The following RNF151 variants were observed in gnomAD, a reference collection of about 807,000 sequenced individuals.
RNF151 encodes the protein ring finger protein 151.
In RNF151, 9 loss-of-function variants were observed where a neutral mutation model predicts 11.1. The ratio of observed to expected loss-of-function variants is 0.81; its 90% CI spans 0.49 to 1.42. RNF151 has a LOEUF of 1.42. Ranked by LOEUF, RNF151 falls within the 40% of genes most tolerant of loss-of-function variation. The pLI is 0.00. For missense variants in RNF151, 372 were observed against 342.9 expected (o/e 1.08, Z -0.67); for synonymous variants, 172 against 140.7 (o/e 1.22, Z -1.58).
At position 1,967,426 on chromosome 16, in the gene RNF151, G is replaced by A; in HGVS notation, c.149+7G>A. ...TCCTCCGGTGGCTAGCCAGGTGCCA[G>A]CGGGTACCCAAGGGGCTGGGAGGGC... On this transcript the variant is annotated splice_region_variant and intron_variant, in intron 2 of 3. Transcript: ENST00000569714. 1 of 1,612,032 alleles carries A rather than the reference G, an allele frequency of 6.2e-7. No homozygotes were observed. Among genetic ancestry groups the A allele is most frequent in the Non-Finnish European group, 8.5e-7 (1 of 1,178,930 alleles).
chr16:1,968,919 T>C lies in RNF151; in HGVS notation c.732T>C (p.Cys244=). ...GGGAGCCCAGGGCCAACATACCTTG[T>C]AAATAGGTAAATAAAAGCAGACCCC... ...VVGEPRANIP[C]K Residue 244 remains cysteine (C), a synonymous_variant, in exon 4 of 4, where the codon TGT becomes TGC. Transcript: ENST00000569714. 1 of 1,587,132 alleles carries C rather than the reference T, an allele frequency of 6.3e-7. No homozygotes were observed. Among genetic ancestry groups the C allele is most frequent in the Non-Finnish European group, 8.6e-7 (1 of 1,166,326 alleles).
chr16:1,967,740 G>C lies in RNF151; in HGVS notation c.165G>C (p.Pro55=), dbSNP rs188516141. ...LRWLARQKTC[P]CCRKEVKRKK... ...CTCCTTCCAGACAAAAGACCTGTCC[G>C]TGCTGTAGGAAAGAGGTGAAAAGGA... The change falls in exon 3 of 4, where the codon CCG becomes CCC. Residue 55 remains proline (P), a synonymous_variant. Coordinates refer to ENST00000569714, the MANE Select transcript of RNF151 (RefSeq NM_174903.6). 2 of 1,610,898 alleles carry C rather than the reference G, an allele frequency of 1.2e-6. No homozygotes were observed. The highest frequency in any genetic ancestry group is 1.7e-6 in the Non-Finnish European group (2 of 1,178,580).
Position 1,967,260 on chromosome 16 carries a change from C to T in RNF151, c.4-14C>T, listed in dbSNP as rs751520501. The T allele has an allele frequency of 4.3e-6, 7 of 1,611,224 alleles. No individual in the cohort carries two copies. The South Asian group carries it at 6.6e-5, about 15-fold the overall frequency. On this transcript the variant is annotated splice_polypyrimidine_tract_variant and intron_variant, in intron 1 of 3. Coordinates refer to ENST00000569714, the MANE Select transcript of RNF151 (RefSeq NM_174903.6). ...TCACTGTCCCAGCCAGGTGCTGACA[C>T]CTGGCCTTTGCAGGGTGGCGGGTAT... is the stretch of plus-strand genomic sequence containing the variant.
chr16:1,967,221 G>T, intron 1 of RNF151, 53 bp from the exon 2 acceptor site: 1 of 1,582,480 alleles, frequency 6.3e-7, no homozygotes. Context: ...TCGGTATGTG[G>T]ACCAGGGACT....
chr16:1,968,372 A>AG, intron 3 of RNF151, 62 bp from the exon 4 acceptor site: 2 of 1,453,236 alleles, frequency 1.4e-6, no homozygotes, highest in Non-Finnish European at 1.8e-6. Flanking sequence ...ATGGAAAGCC[A>AG]GGGGTGGGGG....
In RNF151 at chr16:1,967,721, C is replaced by G. The variant is rs780339121; in HGVS notation, c.150-4C>G. On this transcript the variant is annotated splice_polypyrimidine_tract_variant and splice_region_variant and intron_variant, in intron 2 of 3. Transcript: ENST00000569714. ...CACTCACCCCTACTCATGCCTCCTTCCAGACAAAAGACCTGTCCGTGCTGT... is the reference window on the plus strand; with the variant it reads ...CACTCACCCCTACTCATGCCTCCTTGCAGACAAAAGACCTGTCCGTGCTGT... 6.2e-7 allele frequency: 1 copy of G among 1,606,768 alleles called. No individual in the cohort carries two copies. Among genetic ancestry groups the G allele is most frequent in the East Asian group, 2.2e-5 (1 of 44,704 alleles).
Position 1,968,764 on chromosome 16 carries a change from A to C in RNF151, c.577A>C (p.Thr193Pro). The C allele has an allele frequency of 1.9e-6, 3 of 1,585,326 alleles. No homozygotes were observed. Among genetic ancestry groups the C allele is most frequent in the Non-Finnish European group, 2.6e-6 (3 of 1,166,736 alleles). ...LRRVRWLDQA[T>P]SVVRRELAEL... is the part of the protein sequence containing the mutation. ...GCGTGTGCGCTGGCTGGACCAAGCC[A>C]CCAGTGTCGTTCGTAGAGAGCTGGC... The change falls in exon 4 of 4, where the codon ACC becomes CCC. Residue 193 changes from threonine (T) to proline (P), a missense_variant. By Grantham distance (38) the Thr-to-Pro change is conservative. Transcript: ENST00000569714.
Position 1,967,421 on chromosome 16 carries a change from TG to T in RNF151, c.149+3del. On this transcript the variant is annotated splice_donor_region_variant and intron_variant, in intron 2 of 3. Coordinates refer to ENST00000569714, the MANE Select transcript of RNF151 (RefSeq NM_174903.6). ...GTGCATCCTCCGGTGGCTAGCCAGG[TG>T]CCAGCGGGTACCCAAGGGGCTGGGA... 6.2e-7 allele frequency: 1 copy of T among 1,612,410 alleles called. No individual in the cohort carries two copies. Among genetic ancestry groups the T allele is most frequent in the Non-Finnish European group, 8.5e-7 (1 of 1,179,192 alleles).
chr16:1,967,537 A>G (rs1010080264), intron 2 of RNF151, 118 bp downstream of exon 2: 1 of 1,045,436 alleles, frequency 9.6e-7, no homozygotes. Context: ...TCCCTAAACT[A>G]AAATGTGTGT....
Position 1,968,454 on chromosome 16 carries a change from C to T in RNF151, c.267C>T (p.Gly89=). 6.4e-7 allele frequency: 1 copy of T among 1,567,638 alleles called. No individual in the cohort carries two copies. The highest frequency in any genetic ancestry group is 2.3e-5 in the East Asian group (1 of 43,270). ...LEVKCKNADA[G]CIVTCPLAHR... is the part of the protein sequence containing the mutation. ...CTCAGTGCAAGAACGCCGACGCTGG[C>T]TGCATAGTGACATGCCCCCTGGCCC... The change falls in exon 4 of 4, where the codon GGC becomes GGT. Residue 89 remains glycine, a synonymous_variant. Coordinates refer to ENST00000569714, the MANE Select transcript of RNF151 (RefSeq NM_174903.6).
rs1233746057 is a variant in RNF151, at chr16:1,968,769, T to C, written c.582T>C (p.Ser194=). Residue 194 remains serine (S), a synonymous_variant, in exon 4 of 4, where the codon AGT becomes AGC. Coordinates refer to ENST00000569714, the MANE Select transcript of RNF151 (RefSeq NM_174903.6). ...TGCGCTGGCTGGACCAAGCCACCAG[T>C]GTCGTTCGTAGAGAGCTGGCGGAGC... The part of the protein sequence containing the change: ...RRVRWLDQAT[S]VVRRELAELS... 1.3e-6 allele frequency: 2 copies of C among 1,586,430 alleles called. No homozygotes were observed. Among genetic ancestry groups the C allele is most frequent in the East Asian group, 2.3e-5 (1 of 43,190 alleles).
intron 1 of RNF151, 39 bp from the exon 2 acceptor site, chr16:1,967,235 T>A (rs2083318581): frequency 2.5e-6 from 4 of 1,595,940 alleles, no homozygotes; most frequent in Non-Finnish European, 3.4e-6. Context: ...AGGGACTGGA[T>A]CACTGTCCCA....
In RNF151 at chr16:1,968,880, G is replaced by A; in HGVS notation, c.693G>A (p.Gly231=). The stretch of plus-strand genomic sequence containing the variant: ...AGGCTGCCCCAGAAGGCAACGTTGG[G>A]GCTGAGGTGGTGGGGGAGCCCAGGG... ...EAEAAPEGNV[G]AEVVGEPRAN... The change falls in exon 4 of 4, where the codon GGG becomes GGA. Residue 231 remains glycine (G), a synonymous_variant. Transcript: ENST00000569714. 2.5e-6 allele frequency: 4 copies of A among 1,600,772 alleles called. No individual in the cohort carries two copies. Among genetic ancestry groups the A allele is most frequent in the South Asian group, 1.1e-5 (1 of 88,652 alleles).
intron 1 of RNF151, 135 bp from the exon 2 acceptor site, chr16:1,967,139 G>A: frequency 5.8e-6 from 7 of 1,203,104 alleles, no homozygotes; most frequent in Non-Finnish European, 8.1e-6. Context: ...CTCAAAGTGG[G>A]CGCTGAGCCA....
intron 3 of RNF151, chr16:1,968,129 C>T: frequency 1.6e-6 from 1 of 637,466 alleles, no homozygotes; most frequent in South Asian, 1.8e-5. Context: ...ACTCTCTAGT[C>T]CCCTAGTTTT....
At chr16:1,966,969 C>T in intron 1 of RNF151, 85 bp downstream of exon 1, 1 of 1,448,286 alleles carries the variant, frequency 6.9e-7, no homozygotes, top group Non-Finnish European at 9.3e-7. Context: ...ATCGACCCCA[C>T]TCCACTCGGA....
At chr16:1,967,652 G>A in intron 2 of RNF151, 73 bp from the exon 3 acceptor site, 1 of 1,261,480 alleles carries the variant, frequency 7.9e-7, no homozygotes, top group Non-Finnish European at 1.1e-6. Flanking sequence ...GACCACCTGG[G>A]TCACCGAGTG....
chr16:1,967,982 T>G, intron 3 of RNF151, 161 bp downstream of exon 3: 1 of 711,380 alleles, frequency 1.4e-6, no homozygotes, highest in Non-Finnish European at 2.5e-6. Flanking sequence ...GCTCTACTGC[T>G]TAGTTGCTGT....
Position 1,967,275 on chromosome 16 carries a change from G to C in RNF151, c.5G>C (p.Gly2Ala), listed in dbSNP as rs755828576. The change falls in exon 2 of 4, where the codon GGT (glycine) becomes GCT (alanine). Residue 2 changes from glycine to alanine, a missense_variant and splice_region_variant. By Grantham distance (60) the Gly-to-Ala change is moderately conservative. Coordinates refer to ENST00000569714, the MANE Select transcript of RNF151 (RefSeq NM_174903.6). ...GGTGCTGACACCTGGCCTTTGCAGG[G>C]TGGCGGGTATGATCTCAACCTCTTC... MGGGYDLNLFAS... is the reference protein window; with the variant it reads MAGGYDLNLFAS... 1.9e-6 allele frequency: 3 copies of C among 1,612,814 alleles called. No individual in the cohort carries two copies. Among genetic ancestry groups the C allele is most frequent in the East Asian group, 4.5e-5 (2 of 44,876 alleles).
Sources: allele counts gnomAD v4.1 joint callset, GRCh38; gene constraint gnomAD v4.1.1; transcripts MANE v1.5; gene names NCBI Gene and HGNC (gene_info 2026-07-23, HGNC 2026-07-21).